Variants in CHRNA7 observed in about 807,000 individuals in gnomAD.
CHRNA7 encodes the protein cholinergic receptor nicotinic alpha 7 subunit.
A neutral mutation model predicts 48.0 loss-of-function variants in CHRNA7; 17 were observed. That is an observed-to-expected ratio of 0.35 (90% confidence interval 0.24 to 0.53). The LOEUF is 0.53. Ranked by LOEUF, CHRNA7 falls within the 20% of genes least tolerant of loss-of-function variation. The probability of loss-of-function intolerance (pLI) is 0.92; values close to 1 mark genes in which losing one functional copy is unlikely to be tolerated. For synonymous variants in CHRNA7, 75 were observed against 242.3 expected, an observed-to-expected ratio of 0.31 and a Z score of 6.41; for missense variants, 155 against 577.7, an observed-to-expected ratio of 0.27 and a Z score of 7.50.
chr15:32,049,502 G>T (rs546270803), intron 2 of CHRNA7, among the ~76,000 whole-genome samples: 3 of 152,264 alleles, frequency 2.0e-5, no homozygotes, highest in Non-Finnish European at 2.9e-5. Flanking sequence ...TTGCTTGGTA[G>T]ATCTTCCTCC....
chr15:32,071,578 T>C lies in CHRNA7; in HGVS notation c.196-29725T>C, dbSNP rs527923803. On this transcript the variant is annotated intron_variant, in intron 2 of 9. Transcript: ENST00000306901. Reference sequence around the variant, plus strand: ...GAGGTGGGGCCTGGTGGGAGGTGTTTGGATGATTGGAGCAGATCCCTCATG... The same window carrying C: ...GAGGTGGGGCCTGGTGGGAGGTGTTCGGATGATTGGAGCAGATCCCTCATG... 3.3e-5 allele frequency among the ~76,000 whole-genome samples: 5 copies of C among 152,268 alleles called. No homozygotes were observed. In the East Asian group the frequency reaches 9.7e-4, roughly 29 times the overall value.
intron 2 of CHRNA7, among the ~76,000 whole-genome samples, chr15:32,075,219 T>C (rs921513836): frequency 6.6e-6 from 1 of 152,184 alleles, no homozygotes; most frequent in Non-Finnish European, 1.5e-5. Context: ...TAATACTGGC[T>C]TAATAAATGA....
chr15:32,149,786 T>TA lies in CHRNA7; in HGVS notation c.351-4120dup, dbSNP rs1566876392. On this transcript the variant is annotated intron_variant, in intron 4 of 9. Coordinates refer to ENST00000306901, the MANE Select transcript of CHRNA7 (RefSeq NM_000746.6). This position sits in a 1 kb window ranked among gnomAD's most constrained non-coding sequence, Gnocchi z 4.6. ...CTGTTGCTAATAGCAACAGTTTTTT[T>TA]ATCTTGTTTTTACCTGTTTGCCTTG... is the stretch of plus-strand genomic sequence containing the variant. Among the ~76,000 whole-genome samples the TA allele has an allele frequency of 6.6e-6, 1 of 152,116 alleles. No individual in the cohort carries two copies. Among genetic ancestry groups the TA allele is most frequent in the Non-Finnish European group, 1.5e-5 (1 of 68,014 alleles).
At chr15:32,034,366 A>G (rs745882267) in intron 2 of CHRNA7, among the ~76,000 whole-genome samples, 2 of 152,112 alleles carry the variant, frequency 1.3e-5, no homozygotes, top group Non-Finnish European at 2.9e-5. Flanking sequence ...AATTTATGCT[A>G]TGTTTTTTGA....
intron 4 of CHRNA7, among the ~76,000 whole-genome samples, chr15:32,148,792 A>C (rs2051549586): frequency 1.3e-5 from 2 of 152,214 alleles, no homozygotes; most frequent in Non-Finnish European, 2.9e-5. Context: ...GATCCAGGCA[A>C]GCCAGACCTT....
intron 2 of CHRNA7, among the ~76,000 whole-genome samples, chr15:32,066,063 A>C (rs2049961073): frequency 6.6e-6 from 1 of 152,280 alleles, no homozygotes; most frequent in African/African-American, 2.4e-5. Context: ...GATGCAGCCC[A>C]CTGCCAACAC....
chr15:32,133,268 G>C (rs1454410693), intron 4 of CHRNA7, among the ~76,000 whole-genome samples: 1 of 152,232 alleles, frequency 6.6e-6, no homozygotes, highest in Non-Finnish European at 1.5e-5. Flanking sequence ...AGGCATAACA[G>C]GTCACATAGT....
chr15:32,033,029 T>C (rs1309923410), intron 2 of CHRNA7, among the ~76,000 whole-genome samples: 1 of 152,136 alleles, frequency 6.6e-6, no homozygotes, highest in Non-Finnish European at 1.5e-5. Flanking sequence ...GCACTTTGTG[T>C]CAATGACATT....
intron 8 of CHRNA7, chr15:32,161,984 T>G (rs937936956): frequency 6.2e-5 from 7 of 112,324 alleles, no homozygotes. Flanking sequence ...CTAGAGTGAC[T>G]CACTCTAGTA....
chr15:32,042,136 G>A (rs7172315), intron 2 of CHRNA7, among the ~76,000 whole-genome samples: 40,150 of 152,080 alleles, frequency 0.26, 6,443 homozygotes, highest in East Asian at 0.61. Flanking sequence ...AGTTACTAAT[G>A]TAGTGTTAAG....
chr15:32,109,391 T>C (rs1398874950), intron 3 of CHRNA7, among the ~76,000 whole-genome samples: 1 of 152,196 alleles, frequency 6.6e-6, no homozygotes, highest in Non-Finnish European at 1.5e-5. Context: ...CTTTATGGCC[T>C]GTATCTTGTG....
intron 2 of CHRNA7, among the ~76,000 whole-genome samples, chr15:32,069,211 A>G (rs928985650): frequency 2.6e-5 from 4 of 152,268 alleles, no homozygotes; most frequent in Non-Finnish European, 1.5e-5. Flanking sequence ...ATGAAATAAT[A>G]TATTTCCTAA....
chr15:32,040,996 A>G (rs1566795393), intron 2 of CHRNA7, among the ~76,000 whole-genome samples: 1 of 152,068 alleles, frequency 6.6e-6, no homozygotes. Context: ...TTTTGCTTGC[A>G]TGATTTCATG....
At chr15:32,047,798 A>G (rs902704454) in intron 2 of CHRNA7, among the ~76,000 whole-genome samples, 37 of 152,244 alleles carry the variant, frequency 2.4e-4, no homozygotes, top group Admixed American at 2.2e-3. Context: ...CATGATATTG[A>G]CTGTGGGTTT....
intron 2 of CHRNA7, among the ~76,000 whole-genome samples, chr15:32,046,630 T>G (rs2049552984): frequency 6.6e-6 from 1 of 152,178 alleles, no homozygotes; most frequent in South Asian, 2.1e-4. Context: ...GCCTGTTCAC[T>G]CTGATGGTAG....
chr15:32,040,465 C>G (rs919024754), intron 2 of CHRNA7, among the ~76,000 whole-genome samples: 1 of 151,810 alleles, frequency 6.6e-6, no homozygotes, highest in African/African-American at 2.4e-5. Flanking sequence ...ACAACTAACC[C>G]AAGTCACCTT....
At chr15:32,070,947 A>G (rs796957557) in intron 2 of CHRNA7, among the ~76,000 whole-genome samples, 10 of 151,960 alleles carry the variant, frequency 6.6e-5, no homozygotes, top group African/African-American at 2.4e-4. Context: ...TCAGCCTCCC[A>G]AAGTGCTGGG....
chr15:32,050,055 C>T (rs1467038473), intron 2 of CHRNA7, among the ~76,000 whole-genome samples: 2 of 152,188 alleles, frequency 1.3e-5, no homozygotes, highest in Non-Finnish European at 2.9e-5. Context: ...GTAACCCGAC[C>T]TTTCTCTCTG....
intron 2 of CHRNA7, among the ~76,000 whole-genome samples, chr15:32,053,699 TG>T: frequency 6.6e-6 from 1 of 152,338 alleles, no homozygotes; most frequent in Non-Finnish European, 1.5e-5. Flanking sequence ...GCAGAGGCCT[TG>T]GAGTCACAGC....
Sources: gnomAD v4.1 joint callset for allele counts (sites outside exome capture counted in the v4.1 genomes callset) on GRCh38, gnomAD v4.1.1 for gene constraint, Gnocchi (gnomAD v3.1) non-coding constraint, MANE v1.5 for transcripts, NCBI Gene and HGNC (gene_info 2026-07-23, HGNC 2026-07-21) for gene names.